MAGI2: variants seen among roughly 807,000 people sequenced by gnomAD.
The protein encoded by MAGI2 is membrane associated guanylate kinase, WW and PDZ domain containing 2.
MAGI2 carries 35 observed loss-of-function variants against 133.3 expected under a neutral mutation model. The ratio of observed to expected loss-of-function variants is 0.26; its 90% CI spans 0.20 to 0.35. The LOEUF (loss-of-function observed/expected upper bound fraction) is 0.35. Ranked by LOEUF, MAGI2 falls within the 10% of genes least tolerant of loss-of-function variation. The pLI is 1.00. For missense variants in MAGI2, 1,636 were observed against 1,863.4 expected, an observed-to-expected ratio of 0.88 and a Z score of 2.25; for synonymous variants, 729 against 710.6, an observed-to-expected ratio of 1.03 and a Z score of -0.41.
chr7:78,471,641 G>A (rs1359569190), intron 6 of MAGI2, among the ~76,000 whole-genome samples: 1 of 151,986 alleles, frequency 6.6e-6, no homozygotes, highest in Admixed American at 6.6e-5. Context: ...ATAATAGTAG[G>A]AGGGGCTGGG....
At chr7:78,667,184 A>G (rs889109520) in intron 2 of MAGI2, among the ~76,000 whole-genome samples, 3 of 152,082 alleles carry the variant, frequency 2.0e-5, no homozygotes, top group South Asian at 2.1e-4. Context: ...AGTTAAATAT[A>G]GAACATCTTC....
intron 6 of MAGI2, among the ~76,000 whole-genome samples, chr7:78,389,771 A>G (rs1237907152): frequency 1.3e-5 from 2 of 152,174 alleles, no homozygotes; most frequent in East Asian, 3.9e-4. Context: ...GACATTGGCT[A>G]TATTCTATAA....
intron 13 of MAGI2, among the ~76,000 whole-genome samples, chr7:78,182,932 T>G (rs1365159598): frequency 6.6e-6 from 1 of 152,224 alleles, no homozygotes; most frequent in Non-Finnish European, 1.5e-5. Context: ...CCATCTATAG[T>G]GTTCCATTAT....
intron 3 of MAGI2, among the ~76,000 whole-genome samples, chr7:78,562,563 G>T (rs899186003): frequency 6.6e-6 from 1 of 152,124 alleles, no homozygotes; most frequent in Non-Finnish European, 1.5e-5. Flanking sequence ...GATTTTAAGT[G>T]ACCCAAACTT....
intron 1 of MAGI2, among the ~76,000 whole-genome samples, chr7:79,448,526 C>T (rs965734422): frequency 2.0e-5 from 3 of 152,052 alleles, no homozygotes; most frequent in Non-Finnish European, 4.4e-5. Context: ...ATCTAATATT[C>T]TTAAGGTGCC....
At chr7:78,900,003 T>C (rs11505912) in intron 2 of MAGI2, among the ~76,000 whole-genome samples, 2,241 of 152,272 alleles carry the variant, frequency 0.015, 58 homozygotes, top group African/African-American at 0.051. Context: ...TAAAAGTGGA[T>C]GCATTCTGAG....
chr7:79,368,108 T>C (rs1049905551), intron 1 of MAGI2, among the ~76,000 whole-genome samples: 2 of 151,970 alleles, frequency 1.3e-5, no homozygotes, highest in African/African-American at 4.8e-5. Context: ...ATAAGATGAC[T>C]GAGCACTATA....
intron 1 of MAGI2, among the ~76,000 whole-genome samples, chr7:79,309,323 T>C (rs959747080): frequency 2.1e-4 from 32 of 151,568 alleles, no homozygotes; most frequent in African/African-American, 7.5e-4. Context: ...GAAACTAGTT[T>C]AGAGATTTTG....
At chr7:79,056,596 T>C (rs1191283637) in intron 1 of MAGI2, among the ~76,000 whole-genome samples, 2 of 152,184 alleles carry the variant, frequency 1.3e-5, no homozygotes. Flanking sequence ...AGGCATTTCT[T>C]CCACTGTTTA....
intron 1 of MAGI2, among the ~76,000 whole-genome samples, chr7:79,319,300 A>G (rs529078711): frequency 5.9e-5 from 9 of 152,282 alleles, no homozygotes; most frequent in African/African-American, 2.2e-4. Context: ...GTAATGCAAT[A>G]AACACCCTGT....
intron 10 of MAGI2, among the ~76,000 whole-genome samples, chr7:78,233,368 G>A (rs1790179955): frequency 6.6e-6 from 1 of 152,086 alleles, no homozygotes; most frequent in South Asian, 2.1e-4. Context: ...GAAAGATTCT[G>A]GAAGAAATGA....
chr7:78,332,339 G>T (rs1789294851), intron 9 of MAGI2, among the ~76,000 whole-genome samples: 1 of 152,202 alleles, frequency 6.6e-6, no homozygotes, highest in South Asian at 2.1e-4. Context: ...TCCCCAAGTG[G>T]TTGGTCTGTA....
chr7:78,942,856 T>C (rs1002100537), intron 2 of MAGI2, among the ~76,000 whole-genome samples: 1 of 151,648 alleles, frequency 6.6e-6, no homozygotes, highest in African/African-American at 2.4e-5. Context: ...TTCATTTTAT[T>C]GTAGTGGATA....
At chr7:78,480,776 A>G (rs1792283070) in intron 6 of MAGI2, among the ~76,000 whole-genome samples, 1 of 151,962 alleles carries the variant, frequency 6.6e-6, no homozygotes, top group South Asian at 2.1e-4. Flanking sequence ...ATATTCTAAC[A>G]ACAAACATAC....
At chr7:79,127,369 C>G (rs1037421663) in intron 1 of MAGI2, among the ~76,000 whole-genome samples, 2 of 152,004 alleles carry the variant, frequency 1.3e-5, no homozygotes, top group Non-Finnish European at 1.5e-5. Context: ...CCTGAGGAAT[C>G]GCCACACTGA....
intron 1 of MAGI2, among the ~76,000 whole-genome samples, chr7:79,181,172 G>A (rs1216042785): frequency 4.0e-5 from 6 of 151,890 alleles, no homozygotes; most frequent in African/African-American, 1.2e-4. Context: ...ACTCCACTAG[G>A]CAGTGCCCCA....
chr7:78,141,160 C>T (rs1563173922), intron 16 of MAGI2, among the ~76,000 whole-genome samples: 1 of 152,070 alleles, frequency 6.6e-6, no homozygotes, highest in Admixed American at 6.6e-5. Flanking sequence ...TGGGGTCCCT[C>T]CTGCCCTCAT....
chr7:79,225,494 A>C (rs1181681703), intron 1 of MAGI2, among the ~76,000 whole-genome samples: 1 of 152,196 alleles, frequency 6.6e-6, no homozygotes, highest in Non-Finnish European at 1.5e-5. Context: ...CAATCTTTTA[A>C]AAGATTTACA....
At chr7:78,892,658 G>A (rs1483247640) in intron 2 of MAGI2, among the ~76,000 whole-genome samples, 1 of 152,142 alleles carries the variant, frequency 6.6e-6, no homozygotes, top group African/African-American at 2.4e-5. Flanking sequence ...AATGGTGCTG[G>A]GAAAACTGGC....
Sources: allele counts gnomAD v4.1 joint callset (sites outside exome capture counted in the v4.1 genomes callset), GRCh38; gene constraint gnomAD v4.1.1; transcripts MANE v1.5; gene names NCBI Gene and HGNC (gene_info 2026-07-23, HGNC 2026-07-21).